Variants in ZDHHC11 observed in about 807,000 individuals in gnomAD.
ZDHHC11 encodes palmitoyltransferase ZDHHC11.
ZDHHC11 carries 44 observed loss-of-function variants against 51.3 expected under a neutral mutation model. The observed-to-expected ratio is 0.86, with a 90% CI of 0.67 to 1.10. The LOEUF (loss-of-function observed/expected upper bound fraction) is 1.10, where lower values mean the gene tolerates loss of function less well. Ranked by LOEUF, ZDHHC11 falls within the 50% of genes least tolerant of loss-of-function variation. ZDHHC11 has a pLI of 0.00. For missense variants in ZDHHC11, 400 were observed against 537.7 expected (o/e 0.74, Z 2.53); for synonymous variants, 163 against 222.0 (o/e 0.73, Z 2.36).
intron 12 of ZDHHC11, among the ~76,000 whole-genome samples, chr5:797,194 G>A (rs1429326452): frequency 2.0e-5 from 3 of 150,238 alleles, no homozygotes; most frequent in Non-Finnish European, 4.4e-5. Context: ...GTGACACAGC[G>A]AGACTCTGTC....
At chr5:839,902 A>G (rs1744501675) in intron 5 of ZDHHC11, 1 of 378,184 alleles carries the variant, frequency 2.6e-6, no homozygotes, top group Non-Finnish European at 4.8e-6. Context: ...CACCATGACC[A>G]AAACGGCTGG....
intron 11 of ZDHHC11, among the ~76,000 whole-genome samples, chr5:813,554 C>T (rs1740366321): frequency 6.8e-6 from 1 of 146,150 alleles, no homozygotes; most frequent in African/African-American, 2.6e-5. Context: ...CCTCACACAC[C>T]CTCCCTGAAT....
rs1188462107 is a variant in ZDHHC11 at position 850,485 on chromosome 5, A to C, written c.118T>G (p.Tyr40Asp). 2 of 1,613,564 alleles carry C rather than the reference A, an allele frequency of 1.2e-6. No homozygotes were observed. Among genetic ancestry groups the C allele is most frequent in the Non-Finnish European group, 1.7e-6 (2 of 1,180,020 alleles). The change falls in exon 1 of 13, where the codon TAC becomes GAC. Residue 40 changes from tyrosine (Y) to aspartate (D), a missense_variant. Coordinates refer to ENST00000283441, the MANE Select transcript of ZDHHC11 (RefSeq NM_024786.3). The stretch of plus-strand genomic sequence containing the variant: ...ACAGCCCAGGTCACCACCTGGAAGT[A>C]GTGCAGGGGTAACGACCAGCCGTTC... ...RVNGWSLPLH[Y>D]FQVVTWAVFV...
At position 796,096 on chromosome 5, in the gene ZDHHC11, G is replaced by C. The variant is rs1182624042; in HGVS notation, c.*492C>G. The C allele has an allele frequency of 1.3e-5, 2 of 152,602 alleles. No individual in the cohort carries two copies. The highest frequency in any genetic ancestry group is 5.0e-5 in the African/African-American group (2 of 39,968). The allele number at this position is 152,602 out of a possible 1,614,324, so 9.5% of individuals were successfully genotyped here. A position where few individuals can be genotyped will look rare whatever the true frequency, so the allele number is the denominator to read the frequency against. On this transcript the variant is annotated 3_prime_UTR_variant, in exon 13 of 13. Transcript: ENST00000283441. ...TTTCCCAATACTGTGCTCCCATTTT[G>C]CAGTGCTGTGAGCCCCCATTTCCCA...
Position 827,859 on chromosome 5 carries a change from T to C in ZDHHC11, c.936-2608A>G, listed in dbSNP as rs1264603887. Among the ~76,000 whole-genome samples the C allele has an allele frequency of 4.0e-5, 6 of 151,198 alleles. 1 individual carries two copies. Among genetic ancestry groups the C allele is most frequent in the African/African-American group, 1.5e-4 (6 of 41,050 alleles). On this transcript the variant is annotated intron_variant, in intron 7 of 12. Transcript: ENST00000283441. ...AGAAAAACAAGTGAACAAAGGTCTC[T>C]GGCTTTCCTAGGCAGAGGACCCAGC... is the stretch of plus-strand genomic sequence containing the variant.
At chr5:851,812 G>A (rs966040796), upstream of ZDHHC11, among the ~76,000 whole-genome samples, 1 of 152,190 alleles carries the variant, frequency 6.6e-6, no homozygotes, top group African/African-American at 2.4e-5. Context: ...TCCCAGCACT[G>A]TGGGAAGCCG....
intron 12 of ZDHHC11, among the ~76,000 whole-genome samples, chr5:800,063 A>T (rs381287): frequency 5.3e-5 from 8 of 151,362 alleles, no homozygotes; most frequent in Non-Finnish European, 1.2e-4. Flanking sequence ...TTCACAGGAT[A>T]TACACAGAAC....
chr5:807,388 T>C (rs1739420354), intron 11 of ZDHHC11, among the ~76,000 whole-genome samples: 1 of 150,980 alleles, frequency 6.6e-6, no homozygotes, highest in African/African-American at 2.4e-5. Context: ...ATGAGCGGGG[T>C]GCAAGGACTT....
rs1741307490 is a variant in ZDHHC11, at chr5:819,631, G to A, written c.1059-19C>T. On this transcript the variant is annotated intron_variant, in intron 9 of 12. Coordinates refer to ENST00000283441, the MANE Select transcript of ZDHHC11 (RefSeq NM_024786.3). ...CTTGGCTCTGGTGGGGCAAACAGAA[G>A]GAAAGAAACACACCACAGTTTTGTA... 6.2e-7 allele frequency: 1 copy of A among 1,606,730 alleles called. No homozygotes were observed. Among genetic ancestry groups the A allele is most frequent in the Non-Finnish European group, 8.5e-7 (1 of 1,174,220 alleles).
intron 12 of ZDHHC11, 24 bp from the exon 13 acceptor site, chr5:796,604 C>A (rs1474216351): frequency 6.6e-6 from 1 of 151,134 alleles, no homozygotes; most frequent in Non-Finnish European, 1.5e-5. Flanking sequence ...CAAAGTCACT[C>A]TTTGAGCAGC....
At chr5:837,529 T>C in intron 5 of ZDHHC11, 49 bp from the exon 6 acceptor site, 6 of 1,587,434 alleles carry the variant, frequency 3.8e-6, no homozygotes, top group Non-Finnish European at 5.2e-6. Context: ...CCTGCGGCTT[T>C]GCACGGCGCC....
At chr5:857,926 G>A (rs1292885308) in intron 1 of ZDHHC11, among the ~76,000 whole-genome samples, 5 of 119,048 alleles carry the variant, frequency 4.2e-5, no homozygotes, top group Admixed American at 9.1e-5. Flanking sequence ...CCAGGTCCCT[G>A]TCCTGTCTTT....
At chr5:798,408 C>T (rs568660061) in intron 12 of ZDHHC11, among the ~76,000 whole-genome samples, 55 of 151,584 alleles carry the variant, frequency 3.6e-4, no homozygotes, top group Non-Finnish European at 4.6e-4. Context: ...CACGGACACG[C>T]GCACGCGTGC....
rs1315514137 is a variant in ZDHHC11, at chr5:813,305, G to C, written c.1181+1456C>G. 4.2e-5 allele frequency among the ~76,000 whole-genome samples: 6 copies of C among 141,744 alleles called. 2 individuals carry two copies. Among genetic ancestry groups the C allele is most frequent in the Non-Finnish European group, 6.0e-5 (4 of 66,612 alleles). 93.0% of individuals were successfully genotyped at this position (141,744 alleles called of 152,430 possible). ...ATTGTGCCACTGCACTGCAGCCTGGGTGACAGAGTAAGACCCTGTCTCAAA... is the reference window on the plus strand; with the variant it reads ...ATTGTGCCACTGCACTGCAGCCTGGCTGACAGAGTAAGACCCTGTCTCAAA... On this transcript the variant is annotated intron_variant, in intron 11 of 12. Coordinates refer to ENST00000283441, the MANE Select transcript of ZDHHC11 (RefSeq NM_024786.3).
chr5:858,109 T>A (rs1257665059), intron 1 of ZDHHC11, among the ~76,000 whole-genome samples: 9 of 134,098 alleles, frequency 6.7e-5, no homozygotes, highest in African/African-American at 1.5e-4. Context: ...GAGTCTGTCC[T>A]GGTCCCCGTC....
At chr5:809,022 AT>A (rs1681628571) in intron 11 of ZDHHC11, among the ~76,000 whole-genome samples, 1 of 98,270 alleles carries the variant, frequency 1.0e-5, no homozygotes, top group African/African-American at 5.9e-5. Context: ...CACGCACACT[AT>A]TTATTCCCCA....
At chr5:837,890 G>A (rs1744131173) in intron 5 of ZDHHC11, among the ~76,000 whole-genome samples, 1 of 151,918 alleles carries the variant, frequency 6.6e-6, no homozygotes, top group Admixed American at 6.6e-5. Flanking sequence ...AGGAGGGGCC[G>A]CTCTGTCTGA....
At chr5:844,898 C>T in intron 3 of ZDHHC11, among the ~76,000 whole-genome samples, 1 of 152,428 alleles carries the variant, frequency 6.6e-6, no homozygotes, top group East Asian at 1.9e-4. Flanking sequence ...GTTCCTGGAA[C>T]ATACTTTGAC....
intron 4 of ZDHHC11, chr5:841,581 C>A (rs1489771044): frequency 5.0e-6 from 5 of 1,000,890 alleles, no homozygotes; most frequent in African/African-American, 1.7e-5. Flanking sequence ...CTCTGCCAGG[C>A]CCCAGCACCC....
Sources: gnomAD v4.1 joint callset for allele counts (sites outside exome capture counted in the v4.1 genomes callset) on GRCh38, gnomAD v4.1.1 for gene constraint, MANE v1.5 for transcripts, NCBI Gene and HGNC (gene_info 2026-07-23, HGNC 2026-07-21) for gene names.